OTUD3: variants seen among roughly 807,000 people sequenced by gnomAD.
The protein encoded by OTUD3 is OTU deubiquitinase 3, also known as OTU domain-containing protein 3.
In OTUD3, 24 loss-of-function variants were observed where a neutral mutation model predicts 46.2. That is an observed-to-expected ratio of 0.52 (90% CI 0.38 to 0.73). The LOEUF is 0.73. OTUD3 is among the 30% of genes least tolerant of loss of function. The probability of loss-of-function intolerance (pLI) is 0.00; values close to 1 mark genes in which losing one functional copy is unlikely to be tolerated. For synonymous variants in OTUD3, 189 were observed against 195.4 expected (o/e 0.97, Z 0.27); for missense variants, 455 against 523.3 (o/e 0.87, Z 1.27).
At position 19,895,733 on chromosome 1, in the gene OTUD3, G is replaced by A. The variant is rs116546006; in HGVS notation, c.483+1253G>A. On this transcript the variant is annotated intron_variant, in intron 3 of 7. Coordinates refer to ENST00000375120, the MANE Select transcript of OTUD3 (RefSeq NM_015207.2). ...GCTATCATATTTTCCATGGGGTTCT[G>A]TTTTCCAAGGGCGATGTTTGAGCAA... 3.3e-3 allele frequency among the ~76,000 whole-genome samples: 501 copies of A among 152,260 alleles called. 1 individual carries two copies. The highest frequency in any genetic ancestry group is 0.012 in the African/African-American group (483 of 41,528).
intron 2 of OTUD3, among the ~76,000 whole-genome samples, chr1:19,890,996 G>A (rs2045438397): frequency 6.6e-6 from 1 of 152,160 alleles, no homozygotes; most frequent in South Asian, 2.1e-4. Flanking sequence ...AGGGTTTTTG[G>A]TGAAGATTAA....
Position 19,906,584 on chromosome 1 carries a change from GA to G in OTUD3, c.992del (p.Asn331ThrfsTer60), listed in dbSNP as rs2045664090. On this transcript the variant is annotated frameshift_variant, in exon 7 of 8. Coordinates refer to ENST00000375120, the MANE Select transcript of OTUD3 (RefSeq NM_015207.2). LOFTEE classifies it high-confidence loss of function. ...TAAGGCACAGGCCAGCCCTAGTGAAGAAAACAAAGCAAATAAAAACCAGCTC... is the reference window on the plus strand; with the variant it reads ...TAAGGCACAGGCCAGCCCTAGTGAAGAAACAAAGCAAATAAAAACCAGCTC... ...NNKAQASPSE[E>X]NKANKNQLAK... 1 of 1,612,722 alleles carries G rather than the reference GA, an allele frequency of 6.2e-7. No individual in the cohort carries two copies. Among genetic ancestry groups the G allele is most frequent in the Non-Finnish European group, 8.5e-7 (1 of 1,179,672 alleles).
chr1:19,892,806 A>T (rs2045466088), intron 2 of OTUD3, among the ~76,000 whole-genome samples: 1 of 151,790 alleles, frequency 6.6e-6, no homozygotes, highest in Non-Finnish European at 1.5e-5. Flanking sequence ...CCAGAGGGGG[A>T]TCTAAATGTG....
intron 4 of OTUD3, 67 bp downstream of exon 4, chr1:19,897,729 CT>C: frequency 1.3e-6 from 2 of 1,482,792 alleles, no homozygotes; most frequent in Non-Finnish European, 1.8e-6. Context: ...AGCTGTATAT[CT>C]GGCGCTAAAA....
chr1:19,891,924 A>G (rs1029837588), intron 2 of OTUD3, among the ~76,000 whole-genome samples: 2 of 152,236 alleles, frequency 1.3e-5, no homozygotes, highest in African/African-American at 4.8e-5. Flanking sequence ...AAATGTTTGT[A>G]TATGGGACAA....
chr1:19,889,578 A>T (rs2045419892), intron 1 of OTUD3, among the ~76,000 whole-genome samples: 1 of 152,140 alleles, frequency 6.6e-6, no homozygotes, highest in African/African-American at 2.4e-5. Context: ...GTCTTGTTTG[A>T]GTCTCTGTGT....
chr1:19,904,498 G>A lies in OTUD3; in HGVS notation c.738+100G>A. On this transcript the variant is annotated intron_variant, in intron 5 of 7. Coordinates refer to ENST00000375120, the MANE Select transcript of OTUD3 (RefSeq NM_015207.2). ...CACCTCTCTAGCATATCAGCACCTT[G>A]TGGGCCAAAATAGGCCCATGAGATT... 11 of 1,113,374 alleles carry A rather than the reference G, an allele frequency of 9.9e-6. 1 individual carries two copies. In the South Asian group the frequency reaches 1.7e-4, roughly 17 times the overall value. 69.0% of individuals were successfully genotyped at this position (1,113,374 alleles called of 1,614,324 possible).
chr1:19,906,590 A>G lies in OTUD3; in HGVS notation c.994A>G (p.Lys332Glu). The change falls in exon 7 of 8, where the codon AAA (lysine) becomes GAA (glutamate). Residue 332 changes from lysine to glutamate, a missense_variant. Physicochemically the swap from Lys to Glu is moderately conservative, Grantham distance 56 (BLOSUM62 1). Coordinates refer to ENST00000375120, the MANE Select transcript of OTUD3 (RefSeq NM_015207.2). ...KAQASPSEEN[K>E]ANKNQLAKVT... ...ACAGGCCAGCCCTAGTGAAGAAAAC[A>G]AAGCAAATAAAAACCAGCTCGCAAA... 1 of 1,612,204 alleles carries G rather than the reference A, an allele frequency of 6.2e-7. No individual in the cohort carries two copies. The highest frequency in any genetic ancestry group is 8.5e-7 in the Non-Finnish European group (1 of 1,179,434).
chr1:19,904,818 T>A, intron 5 of OTUD3, 73 bp from the exon 6 acceptor site: 1 of 728,620 alleles, frequency 1.4e-6, no homozygotes, highest in Admixed American at 2.4e-5. Flanking sequence ...TTATGATTAT[T>A]GAAGTAGAGC....
chr1:19,906,677 G>T, intron 7 of OTUD3, 61 bp downstream of exon 7: 1 of 1,353,118 alleles, frequency 7.4e-7, no homozygotes, highest in Non-Finnish European at 1.0e-6. Flanking sequence ...GGCAGTGGTG[G>T]TAGCTTGAGA....
intron 1 of OTUD3, among the ~76,000 whole-genome samples, chr1:19,884,913 A>G (rs1455944875): frequency 6.6e-6 from 1 of 152,216 alleles, no homozygotes; most frequent in Non-Finnish European, 1.5e-5. Context: ...ATTGAGAAGG[A>G]AAAGGCTACT....
intron 1 of OTUD3, 64 bp downstream of exon 1, chr1:19,882,798 G>A (rs1366312540): frequency 2.4e-6 from 3 of 1,234,830 alleles, no homozygotes; most frequent in South Asian, 5.9e-5. Context: ...CCTGGCGACC[G>A]TTGCCCGCTC....
intron 1 of OTUD3, among the ~76,000 whole-genome samples, chr1:19,884,808 C>T (rs951888631): frequency 1.3e-5 from 2 of 152,154 alleles, no homozygotes; most frequent in African/African-American, 2.4e-5. Context: ...CCCACATCTC[C>T]GGTCCCTTGA....
At chr1:19,902,268 G>A (rs537315941) in intron 4 of OTUD3, among the ~76,000 whole-genome samples, 5 of 152,142 alleles carry the variant, frequency 3.3e-5, no homozygotes, top group Non-Finnish European at 5.9e-5. Context: ...GCAGCGGCAC[G>A]ATCGTGGCTC....
intron 1 of OTUD3, among the ~76,000 whole-genome samples, chr1:19,883,954 A>G (rs1049468587): frequency 6.6e-6 from 1 of 152,182 alleles, no homozygotes; most frequent in African/African-American, 2.4e-5. Flanking sequence ...AGAGTTCACC[A>G]CACTTTGCTG....
At chr1:19,903,001 A>G (rs2045610635) in intron 4 of OTUD3, among the ~76,000 whole-genome samples, 1 of 146,210 alleles carries the variant, frequency 6.8e-6, no homozygotes, top group African/African-American at 2.5e-5. Flanking sequence ...ATTCACCACT[A>G]TAAGTAACAC....
At chr1:19,883,616 T>C (rs2045307547) in intron 1 of OTUD3, among the ~76,000 whole-genome samples, 1 of 152,162 alleles carries the variant, frequency 6.6e-6, no homozygotes, top group South Asian at 2.1e-4. Flanking sequence ...AAAATGAAAT[T>C]AAAGACCATA....
chr1:19,897,052 A>T (rs904706117), intron 3 of OTUD3, among the ~76,000 whole-genome samples: 1 of 152,258 alleles, frequency 6.6e-6, no homozygotes, highest in Non-Finnish European at 1.5e-5. Context: ...CTAATGAAAC[A>T]TCAGGCCACT....
At chr1:19,893,839 A>G (rs1280304946) in intron 2 of OTUD3, among the ~76,000 whole-genome samples, 1 of 152,240 alleles carries the variant, frequency 6.6e-6, no homozygotes, top group Non-Finnish European at 1.5e-5. Context: ...GAACTCCGCG[A>G]GGGCAAATTG....
Sources: allele counts gnomAD v4.1 joint callset (sites outside exome capture counted in the v4.1 genomes callset), GRCh38; gene constraint gnomAD v4.1.1; transcripts MANE v1.5; gene names NCBI Gene and HGNC (gene_info 2026-07-23, HGNC 2026-07-21).